The following MAGI1 variants were observed in gnomAD, a reference collection of about 807,000 sequenced individuals.
MAGI1 encodes membrane-associated guanylate kinase, WW and PDZ domain-containing protein 1.
MAGI1 carries 58 observed loss-of-function variants against 139.9 expected under a neutral mutation model. That is an observed-to-expected ratio of 0.41 (90% confidence interval 0.34 to 0.52). The LOEUF is 0.52. Among genes scored for constraint, MAGI1 ranks in the 20% least tolerant of loss-of-function variants. The pLI, the probability that MAGI1 is intolerant of heterozygous loss-of-function variation, is 0.12. For synonymous variants in MAGI1, 812 were observed against 737.9 expected, an observed-to-expected ratio of 1.10 and a Z score of -1.63; for missense variants, 1,874 against 1,901.6, an observed-to-expected ratio of 0.99 and a Z score of 0.27.
At chr3:65,392,195 G>A (rs1467749673) in intron 13 of MAGI1, among the ~76,000 whole-genome samples, 1 of 152,156 alleles carries the variant, frequency 6.6e-6, no homozygotes, top group Non-Finnish European at 1.5e-5. Flanking sequence ...AATCTGCTCA[G>A]CAAAGACCCT....
chr3:65,717,145 A>G (rs901607731), intron 1 of MAGI1, among the ~76,000 whole-genome samples: 3 of 152,226 alleles, frequency 2.0e-5, no homozygotes, highest in African/African-American at 7.2e-5. Context: ...AGAAATATAT[A>G]TGATAACAGA....
chr3:65,442,927 CA>C, intron 7 of MAGI1, 78 bp from the exon 8 acceptor site: 1 of 1,041,524 alleles, frequency 9.6e-7, no homozygotes. Flanking sequence ...CTGAGTTAGG[CA>C]AAAAGAGAAA....
chr3:65,850,370 G>GTTT (rs2059160159), intron 1 of MAGI1, among the ~76,000 whole-genome samples: 1 of 151,962 alleles, frequency 6.6e-6, no homozygotes, highest in African/African-American at 2.4e-5. Context: ...GCGCTTTCTG[G>GTTT]GTTTTAAAAC....
chr3:65,672,361 T>C (rs756730465), intron 1 of MAGI1, among the ~76,000 whole-genome samples: 2 of 152,238 alleles, frequency 1.3e-5, no homozygotes, highest in Non-Finnish European at 2.9e-5. Flanking sequence ...TATTTGTATA[T>C]GCTAATTAAG....
chr3:65,689,822 C>G (rs1335941411), intron 1 of MAGI1, among the ~76,000 whole-genome samples: 2 of 152,188 alleles, frequency 1.3e-5, no homozygotes, highest in African/African-American at 4.8e-5. Flanking sequence ...TAACTGAAAT[C>G]TTTTTAATTC....
chr3:65,627,696 T>C (rs894878065), intron 1 of MAGI1, among the ~76,000 whole-genome samples: 3 of 151,486 alleles, frequency 2.0e-5, no homozygotes, highest in Admixed American at 1.3e-4. Context: ...TTAGTAGAGA[T>C]GGGGTTTCAC....
intron 1 of MAGI1, among the ~76,000 whole-genome samples, chr3:65,703,446 A>G (rs540235688): frequency 1.3e-5 from 2 of 152,322 alleles, no homozygotes; most frequent in East Asian, 3.9e-4. Flanking sequence ...GCCCTTTCTC[A>G]TTTCATTAGA....
At chr3:65,952,032 A>G (rs2063885217) in intron 1 of MAGI1, among the ~76,000 whole-genome samples, 1 of 152,226 alleles carries the variant, frequency 6.6e-6, no homozygotes, top group African/African-American at 2.4e-5. Context: ...AGTCATAAGT[A>G]TTGCTTCTGT....
At chr3:65,629,253 T>G (rs1320476853) in intron 1 of MAGI1, among the ~76,000 whole-genome samples, 1 of 152,210 alleles carries the variant, frequency 6.6e-6, no homozygotes, top group African/African-American at 2.4e-5. Context: ...CTTTTGAGTC[T>G]TCTTAATGTA....
In MAGI1 at chr3:65,391,315, C is replaced by T; in HGVS notation, c.2243G>A (p.Ser748Asn). The T allele has an allele frequency of 6.2e-7, 1 of 1,614,224 alleles. No homozygotes were observed. The highest frequency in any genetic ancestry group is 8.5e-7 in the Non-Finnish European group (1 of 1,180,046). ...GTGCAGGCTTCGGTGGCTGGAAACA[C>T]TGTGCTGAGAACTATTCTGGCTGTC... ...RKDSQNSSQH[S>N]VSSHRSLHTA... Residue 748 changes from serine (S) to asparagine (N), a missense_variant, in exon 14 of 23, where the codon AGT (serine) becomes AAT (asparagine). Physicochemically the swap from Ser to Asn is conservative, Grantham distance 46. This residue lies in a region of MAGI1 where 482 missense variants were observed against 509.6 expected (regional missense o/e 0.95). Transcript: ENST00000402939.
intron 2 of MAGI1, among the ~76,000 whole-genome samples, chr3:65,503,927 G>A (rs1031509409): frequency 6.6e-6 from 1 of 152,156 alleles, no homozygotes; most frequent in Non-Finnish European, 1.5e-5. Flanking sequence ...CTGGAAGCCA[G>A]GTGCTCTCAG....
intron 1 of MAGI1, among the ~76,000 whole-genome samples, chr3:65,772,582 C>T (rs1347856385): frequency 6.6e-6 from 1 of 152,156 alleles, no homozygotes; most frequent in Non-Finnish European, 1.5e-5. Context: ...GGAAGTAGGC[C>T]AGGAGCTGCC....
intron 1 of MAGI1, among the ~76,000 whole-genome samples, chr3:66,010,261 T>C (rs1458031823): frequency 6.6e-6 from 1 of 152,146 alleles, no homozygotes; most frequent in Non-Finnish European, 1.5e-5. Context: ...ACAAAAAGTA[T>C]ACAGAAAGTA....
chr3:65,783,322 C>T (rs1006174876), intron 1 of MAGI1, among the ~76,000 whole-genome samples: 2 of 152,064 alleles, frequency 1.3e-5, no homozygotes, highest in Non-Finnish European at 2.9e-5. Context: ...CACAAGACAC[C>T]GCTTCACACC....
chr3:65,577,310 A>G (rs963181900), intron 2 of MAGI1, among the ~76,000 whole-genome samples: 12 of 152,198 alleles, frequency 7.9e-5, no homozygotes, highest in Non-Finnish European at 1.6e-4. Context: ...AATAAAAATA[A>G]TGCAAAGAAT....
At chr3:65,823,459 A>G (rs965862797) in intron 1 of MAGI1, among the ~76,000 whole-genome samples, 3 of 152,236 alleles carry the variant, frequency 2.0e-5, no homozygotes, top group African/African-American at 7.2e-5. Context: ...GAAAGAGAGA[A>G]CATTTCTTAT....
intron 2 of MAGI1, among the ~76,000 whole-genome samples, chr3:65,540,305 C>A (rs1328211310): frequency 6.6e-6 from 1 of 152,160 alleles, no homozygotes; most frequent in African/African-American, 2.4e-5. Context: ...TCTCTATCCC[C>A]CTCACCCTGA....
intron 1 of MAGI1, among the ~76,000 whole-genome samples, chr3:65,639,916 C>A (rs974238404): frequency 6.6e-6 from 1 of 151,310 alleles, no homozygotes; most frequent in Non-Finnish European, 1.5e-5. Context: ...GCAGGAGAAT[C>A]GCTTGAACCC....
At chr3:65,915,826 C>T (rs541218281) in intron 1 of MAGI1, among the ~76,000 whole-genome samples, 1 of 152,010 alleles carries the variant, frequency 6.6e-6, no homozygotes, top group African/African-American at 2.4e-5. Context: ...ATTTGTGCTT[C>T]CTTATTTCTA....
Sources: allele counts gnomAD v4.1 joint callset (sites outside exome capture counted in the v4.1 genomes callset), GRCh38; gene constraint gnomAD v4.1.1; regional missense constraint gnomAD v4.1.1; transcripts MANE v1.5; gene names NCBI Gene and HGNC (gene_info 2026-07-23, HGNC 2026-07-21).